ZMAT4: variants seen among roughly 807,000 people sequenced by gnomAD.
The protein encoded by ZMAT4 is zinc finger matrin-type 4, also known as zinc finger matrin-type protein 4.
ZMAT4 carries 17 observed loss-of-function variants against 28.7 expected under a neutral mutation model. The observed-to-expected ratio is 0.59, with a 90% CI of 0.41 to 0.89. ZMAT4 has a LOEUF of 0.89. Among genes scored for constraint, ZMAT4 ranks in the 40% least tolerant of loss-of-function variants. The pLI is 0.00. For missense variants in ZMAT4, 240 were observed against 283.8 expected (o/e 0.85, Z 1.11); for synonymous variants, 117 against 109.2 (o/e 1.07, Z -0.44).
chr8:40,607,688 G>C (rs1350283653), intron 5 of ZMAT4, among the ~76,000 whole-genome samples: 2 of 152,034 alleles, frequency 1.3e-5, no homozygotes, highest in Admixed American at 6.5e-5. Flanking sequence ...CAGTTCAAGG[G>C]GTGCTATTCA....
chr8:40,727,102 A>G (rs181863385), intron 3 of ZMAT4, among the ~76,000 whole-genome samples: 96 of 152,296 alleles, frequency 6.3e-4, no homozygotes, highest in African/African-American at 2.3e-3. Flanking sequence ...AGGGAGAGGG[A>G]ATTTAGCTCT....
intron 5 of ZMAT4, among the ~76,000 whole-genome samples, chr8:40,674,080 CTTTTTTT>C (rs59753899): frequency 9.3e-6 from 1 of 107,266 alleles, no homozygotes; most frequent in Admixed American, 1.2e-4. Context: ...TTTTTATCAT[CTTTTTTT>C]TTTTTTTTTT....
chr8:40,560,350 A>G (rs777489859), intron 6 of ZMAT4, among the ~76,000 whole-genome samples: 4 of 152,092 alleles, frequency 2.6e-5, no homozygotes, highest in Admixed American at 6.6e-5. Flanking sequence ...ATGCCACAGT[A>G]CCAGCAGAAA....
chr8:40,645,866 T>C (rs1314821915), intron 5 of ZMAT4, among the ~76,000 whole-genome samples: 1 of 152,128 alleles, frequency 6.6e-6, no homozygotes, highest in East Asian at 1.9e-4. Flanking sequence ...TATACAGTAA[T>C]ATGTATATAT....
chr8:40,653,078 T>TATA (rs949008394), intron 5 of ZMAT4, among the ~76,000 whole-genome samples: 2 of 151,634 alleles, frequency 1.3e-5, no homozygotes, highest in Non-Finnish European at 2.9e-5. Context: ...AAACTTAAAG[T>TATA]ATAATAATAA....
intron 2 of ZMAT4, among the ~76,000 whole-genome samples, chr8:40,811,324 G>A (rs1815305113): frequency 6.6e-6 from 1 of 152,190 alleles, no homozygotes; most frequent in Admixed American, 6.5e-5. Flanking sequence ...CAGACCCAGG[G>A]CTGGGTATAT....
rs544332727 is a variant in ZMAT4 at position 40,856,195 on chromosome 8, G to A, written c.-4-30515C>T. Among the ~76,000 whole-genome samples the A allele has an allele frequency of 5.3e-5, 8 of 152,226 alleles. No homozygotes were observed. In the South Asian group the frequency reaches 1.0e-3, roughly 20 times the overall value. On this transcript the variant is annotated intron_variant, in intron 1 of 6. Coordinates refer to ENST00000297737, the MANE Select transcript of ZMAT4 (RefSeq NM_024645.3). ...TGTCTTAACTCTCTAAACAGATGGC[G>A]AGCTTTTCTAATGGGGAACCATTAG...
chr8:40,604,101 C>G (rs896461039), intron 5 of ZMAT4, among the ~76,000 whole-genome samples: 3 of 152,168 alleles, frequency 2.0e-5, no homozygotes, highest in Non-Finnish European at 2.9e-5. Context: ...ATTCATTTAT[C>G]AGATCTAGGA....
chr8:40,800,510 T>C (rs1814791320), intron 2 of ZMAT4, among the ~76,000 whole-genome samples: 1 of 152,100 alleles, frequency 6.6e-6, no homozygotes. Context: ...TTAACAAATT[T>C]AAAATAATAA....
rs572930460 is a variant in ZMAT4, at chr8:40,687,092, C to T, written c.349+10153G>A. Among the ~76,000 whole-genome samples the T allele has an allele frequency of 3.3e-5, 5 of 152,102 alleles. No homozygotes were observed. In the South Asian group the frequency reaches 1.0e-3, roughly 32 times the overall value. On this transcript the variant is annotated intron_variant, in intron 4 of 6. Coordinates refer to ENST00000297737, the MANE Select transcript of ZMAT4 (RefSeq NM_024645.3). ...TCAGAGATTCCTTCAAAGCTATCTA[C>T]GATGTTTTACAGAATAATAGAAAGT... is the stretch of plus-strand genomic sequence containing the variant.
rs143412756 is a variant in ZMAT4 at position 40,833,516 on chromosome 8, C to T, written c.-4-7836G>A. ...CCGGCAGGCAGAGGTTGCAGTGAACCGAGATCATACCACTACACTCCAGCA... is the reference window on the plus strand; with the variant it reads ...CCGGCAGGCAGAGGTTGCAGTGAACTGAGATCATACCACTACACTCCAGCA... On this transcript the variant is annotated intron_variant, in intron 1 of 6. Coordinates refer to ENST00000297737, the MANE Select transcript of ZMAT4 (RefSeq NM_024645.3). Among the ~76,000 whole-genome samples the T allele has an allele frequency of 8.8e-3, 1,172 of 133,162 alleles. 14 individuals are homozygous for T. Among genetic ancestry groups the T allele is most frequent in the South Asian group, 0.031 (108 of 3,524 alleles). The allele number at this position is 133,162 out of a possible 152,430, so 87.4% of individuals were successfully genotyped here. A position where few individuals can be genotyped will look rare whatever the true frequency, so the allele number is the denominator to read the frequency against.
At chr8:40,604,350 G>A (rs1805507128) in intron 5 of ZMAT4, among the ~76,000 whole-genome samples, 1 of 152,186 alleles carries the variant, frequency 6.6e-6, no homozygotes, top group Non-Finnish European at 1.5e-5. Context: ...AATGTTGGCT[G>A]TGGGTTTGTC....
At chr8:40,544,514 C>G (rs77602436) in intron 6 of ZMAT4, among the ~76,000 whole-genome samples, 1 of 152,198 alleles carries the variant, frequency 6.6e-6, no homozygotes, top group Admixed American at 6.5e-5. Context: ...GACTAGGAAG[C>G]ATCAAGACAT....
chr8:40,739,281 G>T (rs527724451), intron 3 of ZMAT4, among the ~76,000 whole-genome samples: 93 of 152,296 alleles, frequency 6.1e-4, no homozygotes, highest in African/African-American at 2.2e-3. Flanking sequence ...TCATCAAGGA[G>T]CAAATTAGAC....
At chr8:40,599,503 G>A (rs1282632206) in intron 5 of ZMAT4, among the ~76,000 whole-genome samples, 3 of 152,152 alleles carry the variant, frequency 2.0e-5, no homozygotes, top group African/African-American at 7.2e-5. Flanking sequence ...GACCAAAGAA[G>A]GGTTTTTTTA....
chr8:40,693,969 T>C (rs916616108), intron 4 of ZMAT4, among the ~76,000 whole-genome samples: 1 of 152,206 alleles, frequency 6.6e-6, no homozygotes, highest in Non-Finnish European at 1.5e-5. Flanking sequence ...ATCACCCCAG[T>C]TCAAGAGCCT....
In ZMAT4 at chr8:40,733,515, G is replaced by A. The variant is rs186633862; in HGVS notation, c.192+34126C>T. 8.6e-5 allele frequency among the ~76,000 whole-genome samples: 13 copies of A among 151,978 alleles called. No individual in the cohort carries two copies. In the East Asian group the frequency reaches 2.5e-3, roughly 29 times the overall value. ...ACAGAATTAACTAGAGTTGTTTGGGGGCCTGTTAACAAGTTGCTGAAATGC... is the reference window on the plus strand; with the variant it reads ...ACAGAATTAACTAGAGTTGTTTGGGAGCCTGTTAACAAGTTGCTGAAATGC... On this transcript the variant is annotated intron_variant, in intron 3 of 6. Transcript: ENST00000297737.
At chr8:40,705,667 A>C (rs963881551) in intron 3 of ZMAT4, among the ~76,000 whole-genome samples, 2 of 152,240 alleles carry the variant, frequency 1.3e-5, no homozygotes, top group African/African-American at 4.8e-5. Flanking sequence ...TACATTGTGG[A>C]ATGGTTAAAT....
At chr8:40,761,475 A>G (rs1186477707) in intron 3 of ZMAT4, among the ~76,000 whole-genome samples, 1 of 152,012 alleles carries the variant, frequency 6.6e-6, no homozygotes, top group Non-Finnish European at 1.5e-5. Context: ...GAGCCTTCTA[A>G]AGCTTTTGCC....
Sources: allele counts gnomAD v4.1 joint callset (sites outside exome capture counted in the v4.1 genomes callset), GRCh38; gene constraint gnomAD v4.1.1; transcripts MANE v1.5; gene names NCBI Gene and HGNC (gene_info 2026-07-23, HGNC 2026-07-21).